Variants in NRCAM observed in about 807,000 individuals in gnomAD.
NRCAM encodes NgCAM-related cell adhesion molecule.
A neutral mutation model predicts 156.5 loss-of-function variants in NRCAM; 83 were observed. The ratio of observed to expected loss-of-function variants is 0.53; its 90% confidence interval spans 0.44 to 0.64. The LOEUF is 0.64. Ranked by LOEUF, NRCAM falls within the 30% of genes least tolerant of loss-of-function variation. The pLI, the probability that NRCAM is intolerant of heterozygous loss-of-function variation, is 0.00. For missense variants in NRCAM, 1,417 were observed against 1,597.3 expected (o/e 0.89, Z 1.92); for synonymous variants, 538 against 563.9 (o/e 0.95, Z 0.65).
chr7:108,232,250 T>C (rs928535805), intron 7 of NRCAM, 76 bp downstream of exon 7: 1 of 1,067,964 alleles, frequency 9.4e-7, no homozygotes, highest in Non-Finnish European at 1.4e-6. Flanking sequence ...GAATAGTATT[T>C]GGATGATGTC....
At chr7:108,404,258 C>CT (rs72570597) in intron 1 of NRCAM, among the ~76,000 whole-genome samples, 2 of 151,556 alleles carry the variant, frequency 1.3e-5, no homozygotes, top group Non-Finnish European at 2.9e-5. Context: ...TTGCTTCCTT[C>CT]TCAGTTGTGC....
At chr7:108,155,138 A>T (rs1466369042) in intron 32 of NRCAM, among the ~76,000 whole-genome samples, 2 of 118,278 alleles carry the variant, frequency 1.7e-5, no homozygotes, top group Admixed American at 7.6e-5. Context: ...ACACACACAC[A>T]CACACATATA....
At chr7:108,292,455 G>T (rs16872481) in intron 3 of NRCAM, among the ~76,000 whole-genome samples, 7,479 of 152,290 alleles carry the variant, frequency 0.049, 253 homozygotes, top group South Asian at 0.14. Flanking sequence ...TGAAGTTTTA[G>T]AGACTTGCTT....
chr7:108,193,069 C>A (rs2153454343), intron 17 of NRCAM, among the ~76,000 whole-genome samples: 1 of 152,280 alleles, frequency 6.6e-6, no homozygotes, highest in Non-Finnish European at 1.5e-5. Context: ...GTCACCCAGG[C>A]TGGAGTGCAG....
rs1396432075 is a variant in NRCAM at position 108,223,729 on chromosome 7, C to T, written c.886G>A (p.Gly296Arg). The T allele has an allele frequency of 6.7e-7, 1 of 1,496,108 alleles. No homozygotes were observed. 92.7% of individuals were successfully genotyped at this position (1,496,108 alleles called of 1,614,324 possible). ...GGACAGAAAGTGTTAACTCACAGTC[C>T]TTCTGCAATGCACTCCAGTGAAAGC... Reference protein sequence around the residue: ...NVLSLECIAEGLPTPIIYWAK... With the variant: ...NVLSLECIAERLPTPIIYWAK... The change falls in exon 11 of 33, where the codon GGA (glycine) becomes AGA (arginine). Residue 296 changes from glycine to arginine, a missense_variant. Coordinates refer to ENST00000379028, the MANE Select transcript of NRCAM (RefSeq NM_001037132.4).
chr7:108,184,124 ATATAT>A, intron 22 of NRCAM, 112 bp downstream of exon 22: 3 of 557,328 alleles, frequency 5.4e-6, no homozygotes, highest in Non-Finnish European at 9.1e-6. Context: ...ATATATATAT[ATATAT>A]TTTTTTTCCC....
intron 30 of NRCAM, among the ~76,000 whole-genome samples, chr7:108,165,061 T>C (rs1169611148): frequency 6.6e-6 from 1 of 152,218 alleles, no homozygotes; most frequent in Non-Finnish European, 1.5e-5. Context: ...TTCTAACAAT[T>C]TTAACAACAG....
At position 108,209,338 on chromosome 7, in the gene NRCAM, C is replaced by T. The variant is rs531690606; in HGVS notation, c.1075+83G>A. The T allele has an allele frequency of 3.0e-5, 28 of 948,650 alleles. No individual in the cohort carries two copies. The African/African-American group carries it at 4.4e-4, about 15-fold the overall frequency. The allele number at this position is 948,650 out of a possible 1,614,324, so 58.8% of individuals were successfully genotyped here. On this transcript the variant is annotated intron_variant, in intron 12 of 32. Coordinates refer to ENST00000379028, the MANE Select transcript of NRCAM (RefSeq NM_001037132.4). ...TGACATAACTTTACATTTACCATTA[C>T]TAAAAATGTAATGAAAACCACATTT...
chr7:108,416,574 G>A (rs542668478), intron 1 of NRCAM, among the ~76,000 whole-genome samples: 1 of 73,868 alleles, frequency 1.4e-5, no homozygotes, highest in Non-Finnish European at 2.6e-5. Context: ...CTTCGGGAAA[G>A]AGACAAATAA....
At chr7:108,430,972 T>G (rs192535132) in intron 1 of NRCAM, among the ~76,000 whole-genome samples, 1 of 152,204 alleles carries the variant, frequency 6.6e-6, no homozygotes, top group South Asian at 2.1e-4. Flanking sequence ...TCCAGGTGCA[T>G]GGATCATTGA....
chr7:108,335,456 T>TTTTTTTTTTG (rs2099172329), intron 2 of NRCAM, among the ~76,000 whole-genome samples: 1 of 143,704 alleles, frequency 7.0e-6, no homozygotes, highest in Non-Finnish European at 1.5e-5. Context: ...TTTTTTTTTT[T>TTTTTTTTTTG]TTTCAGTTTT....
intron 3 of NRCAM, among the ~76,000 whole-genome samples, chr7:108,275,138 G>T (rs1359100298): frequency 6.6e-6 from 1 of 152,146 alleles, no homozygotes; most frequent in Non-Finnish European, 1.5e-5. Context: ...CATTCGGTTT[G>T]CCAGTATTTT....
chr7:108,334,130 G>A (rs547797366), intron 2 of NRCAM, among the ~76,000 whole-genome samples: 1 of 152,008 alleles, frequency 6.6e-6, no homozygotes, highest in Non-Finnish European at 1.5e-5. Context: ...AAGAATTTTT[G>A]AACATTTTCC....
intron 2 of NRCAM, among the ~76,000 whole-genome samples, chr7:108,345,164 A>C (rs1337338440): frequency 6.6e-6 from 1 of 152,216 alleles, no homozygotes; most frequent in Non-Finnish European, 1.5e-5. Context: ...TTATATATGG[A>C]CATAAAAGAG....
intron 2 of NRCAM, among the ~76,000 whole-genome samples, chr7:108,391,353 G>C (rs1409127178): frequency 6.6e-6 from 1 of 151,970 alleles, no homozygotes; most frequent in East Asian, 1.9e-4. Flanking sequence ...CTTTTGATCT[G>C]TGTTGGTTTA....
chr7:108,268,150 C>T (rs922462436), intron 3 of NRCAM, among the ~76,000 whole-genome samples: 1 of 152,126 alleles, frequency 6.6e-6, no homozygotes, highest in Non-Finnish European at 1.5e-5. Flanking sequence ...GATAAAAAGA[C>T]TATATTCTCT....
At chr7:108,233,920 T>C (rs2094606028) in intron 6 of NRCAM, among the ~76,000 whole-genome samples, 1 of 152,196 alleles carries the variant, frequency 6.6e-6, no homozygotes, top group African/African-American at 2.4e-5. Flanking sequence ...GTTTCCCATC[T>C]ATAAAATGTA....
chr7:108,437,761 G>C (rs969055038), intron 1 of NRCAM, among the ~76,000 whole-genome samples: 6 of 152,000 alleles, frequency 3.9e-5, no homozygotes, highest in Non-Finnish European at 8.8e-5. Context: ...AATACTTAGA[G>C]CACTAAATGG....
chr7:108,340,957 C>T lies in NRCAM; in HGVS notation c.-173-28226G>A, dbSNP rs114125531. Among the ~76,000 whole-genome samples the T allele has an allele frequency of 1.4e-3, 215 of 152,232 alleles. 1 individual carries two copies. Among genetic ancestry groups the T allele is most frequent in the African/African-American group, 4.6e-3 (192 of 41,544 alleles). ...GGAGAAGCAGGCAGAACAAGACAAA[C>T]GGGATTTAAAAAAGGCTACCGCTTT... On this transcript the variant is annotated intron_variant, in intron 2 of 32. Coordinates refer to ENST00000379028, the MANE Select transcript of NRCAM (RefSeq NM_001037132.4).
Sources: allele counts gnomAD v4.1 joint callset (sites outside exome capture counted in the v4.1 genomes callset), GRCh38; gene constraint gnomAD v4.1.1; transcripts MANE v1.5; gene names NCBI Gene and HGNC (gene_info 2026-07-23, HGNC 2026-07-21).